Variants in TOGARAM2 observed in about 807,000 individuals in gnomAD.
TOGARAM2 encodes TOG array regulator of axonemal microtubules protein 2.
Under a neutral mutation model 93.3 loss-of-function variants are expected in TOGARAM2, and 85 were observed. That is an observed-to-expected ratio of 0.91 (90% confidence interval 0.76 to 1.09). The LOEUF (loss-of-function observed/expected upper bound fraction) is 1.09, where lower values mean the gene tolerates loss of function less well. Among genes scored for constraint, TOGARAM2 ranks in the 50% least tolerant of loss-of-function variants. The probability of loss-of-function intolerance (pLI) is 0.00; values close to 1 mark genes in which losing one functional copy is unlikely to be tolerated. For missense variants in TOGARAM2, 1,277 were observed against 1,334.5 expected, an observed-to-expected ratio of 0.96 and a Z score of 0.67; for synonymous variants, 593 against 552.8, an observed-to-expected ratio of 1.07 and a Z score of -1.02.
intron 1 of TOGARAM2, among the ~76,000 whole-genome samples, chr2:28,974,026 C>T (rs1489425222): frequency 1.3e-5 from 2 of 151,878 alleles, no homozygotes; most frequent in African/African-American, 2.4e-5. Context: ...TCCATTCTCA[C>T]TTGTATTGTG....
At chr2:29,040,991 A>G (rs1200083610) in intron 18 of TOGARAM2, among the ~76,000 whole-genome samples, 3 of 151,102 alleles carry the variant, frequency 2.0e-5, no homozygotes, top group Non-Finnish European at 4.4e-5. Context: ...AAATCATAGC[A>G]TAAGCATTTG....
chr2:28,963,386 G>A (rs904660076), intron 1 of TOGARAM2, among the ~76,000 whole-genome samples: 9 of 151,916 alleles, frequency 5.9e-5, no homozygotes, highest in Non-Finnish European at 8.8e-5. Flanking sequence ...TTTTTCTTCC[G>A]TTTTAGAGAT....
chr2:29,034,041 G>A (rs1285086884), intron 16 of TOGARAM2, among the ~76,000 whole-genome samples: 3 of 152,090 alleles, frequency 2.0e-5, no homozygotes, highest in Non-Finnish European at 4.4e-5. Context: ...TGATGGTCAC[G>A]CCTGTGCTTA....
At chr2:29,005,121 G>A (rs62651048) in intron 6 of TOGARAM2, among the ~76,000 whole-genome samples, 2 of 142,988 alleles carry the variant, frequency 1.4e-5, no homozygotes, top group South Asian at 2.2e-4. Context: ...GTGTATGGGT[G>A]TGTGTGCATG....
At chr2:29,017,070 A>G in intron 8 of TOGARAM2, 84 bp from the exon 9 acceptor site, 1 of 1,533,002 alleles carries the variant, frequency 6.5e-7, no homozygotes, top group Non-Finnish European at 8.9e-7. Context: ...AGCAATTGGC[A>G]CACAGTAGAA....
At chr2:28,987,265 C>T (rs1321791188) in intron 1 of TOGARAM2, among the ~76,000 whole-genome samples, 3 of 152,216 alleles carry the variant, frequency 2.0e-5, no homozygotes, top group Non-Finnish European at 4.4e-5. Context: ...TTAGGTTCTT[C>T]TCAATAAGAC....
At chr2:28,967,522 C>G (rs536702960) in intron 1 of TOGARAM2, among the ~76,000 whole-genome samples, 4 of 152,092 alleles carry the variant, frequency 2.6e-5, no homozygotes, top group Non-Finnish European at 5.9e-5. Flanking sequence ...GGCCACTCTG[C>G]TTAAAAAATG....
chr2:29,023,036 G>T (rs1378436198), intron 11 of TOGARAM2, 50 bp from the exon 12 acceptor site: 2 of 1,505,010 alleles, frequency 1.3e-6, no homozygotes, highest in South Asian at 2.4e-5. Flanking sequence ...AGAGGGGTGG[G>T]GCTCCTCCCT....
rs12619829 is a variant in TOGARAM2 at position 29,003,693 on chromosome 2, C to G, written c.830+11C>G. 5.1e-5 allele frequency: 76 copies of G among 1,495,262 alleles called. No individual in the cohort carries two copies. The South Asian group carries it at 6.9e-4, about 14-fold the overall frequency. 92.6% of individuals were successfully genotyped at this position (1,495,262 alleles called of 1,614,324 possible). A position where few individuals can be genotyped will look rare whatever the true frequency, so the allele number is the denominator to read the frequency against. On this transcript the variant is annotated intron_variant, in intron 6 of 19. Transcript: ENST00000379558. The stretch of plus-strand genomic sequence containing the variant: ...GGCCCCACGCACGCGGTAAGAGCTC[C>G]AAGTCAAACCTTCCTTGCTGACTTC...
intron 2 of TOGARAM2, among the ~76,000 whole-genome samples, chr2:28,995,125 G>A (rs1672929289): frequency 6.6e-6 from 1 of 152,250 alleles, no homozygotes. Context: ...CTGCAGCAGG[G>A]TGGTTGGTTC....
At chr2:29,027,786 G>A (rs1234564372) in intron 14 of TOGARAM2, among the ~76,000 whole-genome samples, 7 of 152,060 alleles carry the variant, frequency 4.6e-5, no homozygotes, top group Admixed American at 1.3e-4. Context: ...AGAGCTGAAC[G>A]GCTACACGGA....
At chr2:29,002,085 G>C (rs1366043788) in intron 4 of TOGARAM2, among the ~76,000 whole-genome samples, 1 of 152,100 alleles carries the variant, frequency 6.6e-6, no homozygotes, top group Non-Finnish European at 1.5e-5. Flanking sequence ...AAACAGCTAC[G>C]CCCCACATCA....
Position 29,036,557 on chromosome 2 carries a change from C to T in TOGARAM2, c.2435C>T (p.Thr812Ile), listed in dbSNP as rs1186186178. The T allele has an allele frequency of 1.2e-6, 2 of 1,613,966 alleles. No homozygotes were observed. The highest frequency in any genetic ancestry group is 1.7e-6 in the Non-Finnish European group (2 of 1,179,888). The change falls in exon 18 of 20, where the codon ACC (threonine) becomes ATC (isoleucine). Residue 812 changes from threonine (T) to isoleucine (I), a missense_variant. Transcript: ENST00000379558. ...AHLVQVFDAF[T>I]PRLQDSNKKV... Reference sequence around the variant, plus strand: ...CTTCAATAGGTCTTTGATGCTTTCACCCCAAGGCTTCAGGATTCCAACAAG... The same window carrying T: ...CTTCAATAGGTCTTTGATGCTTTCATCCCAAGGCTTCAGGATTCCAACAAG...
intron 9 of TOGARAM2, 53 bp downstream of exon 9, chr2:29,017,357 C>G (rs114252468): frequency 6.9e-7 from 1 of 1,446,578 alleles, no homozygotes; most frequent in South Asian, 1.5e-5. Flanking sequence ...TGAGTCCACT[C>G]TCTCATAGCC....
intron 18 of TOGARAM2, among the ~76,000 whole-genome samples, chr2:29,043,985 C>A (rs917318747): frequency 6.6e-6 from 1 of 152,198 alleles, no homozygotes; most frequent in Non-Finnish European, 1.5e-5. Flanking sequence ...CCAATTTATT[C>A]CGGAAATGTC....
intron 1 of TOGARAM2, among the ~76,000 whole-genome samples, chr2:28,966,566 G>T (rs569974385): frequency 2.0e-5 from 3 of 152,132 alleles, no homozygotes; most frequent in Non-Finnish European, 4.4e-5. Flanking sequence ...AAAGTGCTGG[G>T]ATTACAGGTG....
In TOGARAM2 at chr2:28,994,733, T is replaced by A. The variant is rs1328790076; in HGVS notation, c.-102T>A. 1.2e-5 allele frequency: 14 copies of A among 1,198,922 alleles called. No homozygotes were observed. Among genetic ancestry groups the A allele is most frequent in the Non-Finnish European group, 1.6e-5 (13 of 832,022 alleles). 74.3% of individuals were successfully genotyped at this position (1,198,922 alleles called of 1,614,324 possible). On this transcript the variant is annotated 5_prime_UTR_variant, in exon 2 of 20. The change abolishes an upstream ATG in the 5' untranslated region. Coordinates refer to ENST00000379558, the MANE Select transcript of TOGARAM2 (RefSeq NM_199280.4). ...TCTCCTCTCACCCTTAGGTCCCGGA[T>A]GTTACAGGTCAGAGCCCTCCAGACC...
At chr2:29,003,784 T>C in intron 6 of TOGARAM2, 102 bp downstream of exon 6, 2 of 1,113,360 alleles carry the variant, frequency 1.8e-6, no homozygotes, top group Non-Finnish European at 2.4e-6. Flanking sequence ...TGTGGCAGAG[T>C]TCTTGGGACA....
intron 18 of TOGARAM2, among the ~76,000 whole-genome samples, chr2:29,037,307 G>A (rs935040054): frequency 5.9e-5 from 9 of 152,094 alleles, no homozygotes; most frequent in Non-Finnish European, 1.0e-4. Flanking sequence ...GTGATGTTTG[G>A]TGTACCCAGT....
Sources: allele counts gnomAD v4.1 joint callset (sites outside exome capture counted in the v4.1 genomes callset), GRCh38; gene constraint gnomAD v4.1.1; transcripts MANE v1.5; gene names NCBI Gene and HGNC (gene_info 2026-07-23, HGNC 2026-07-21).